Variants in LRRIQ1 observed in about 807,000 individuals in gnomAD.
The protein encoded by LRRIQ1 is leucine-rich repeat- and IQ domain-containing protein 1.
A neutral mutation model predicts 211.9 loss-of-function variants in LRRIQ1; 210 were observed. That is an observed-to-expected ratio of 0.99 (90% CI 0.89 to 1.11). The LOEUF (loss-of-function observed/expected upper bound fraction) is 1.11. LRRIQ1 is among the 50% of genes most tolerant of loss of function. LRRIQ1 has a pLI of 0.00. For missense variants in LRRIQ1, 2,136 were observed against 1,939.5 expected, an observed-to-expected ratio of 1.10 and a Z score of -1.90; for synonymous variants, 699 against 650.1, an observed-to-expected ratio of 1.08 and a Z score of -1.14.
chr12:85,077,481 TGGCTATTGTTTGTTTTATTTTGAATAG>T (rs1883787405), intron 11 of LRRIQ1, among the ~76,000 whole-genome samples: 1 of 152,238 alleles, frequency 6.6e-6, no homozygotes, highest in African/African-American at 2.4e-5. Flanking sequence ...AATATTTTTG[TGGCTATTGTTTGTTTTATTTTGAATAG>T]GGCAGGGGAA....
intron 24 of LRRIQ1, among the ~76,000 whole-genome samples, chr12:85,201,576 G>C (rs1893296619): frequency 6.6e-6 from 1 of 152,134 alleles, no homozygotes; most frequent in East Asian, 1.9e-4. Flanking sequence ...TGTGTGAACA[G>C]AGGTGTTCAT....
At chr12:85,107,575 T>A (rs780451332) in intron 15 of LRRIQ1, among the ~76,000 whole-genome samples, 21 of 152,148 alleles carry the variant, frequency 1.4e-4, no homozygotes, top group Non-Finnish European at 2.4e-4. Flanking sequence ...TTCATAAAAT[T>A]TGGAAAATTT....
chr12:85,085,924 G>A lies in LRRIQ1; in HGVS notation c.2888-12431G>A, dbSNP rs185935639. Among the ~76,000 whole-genome samples, 389 of 152,252 alleles carry A rather than the reference G, an allele frequency of 2.6e-3. 2 individuals carry two copies. Among genetic ancestry groups the A allele is most frequent in the Non-Finnish European group, 4.7e-3 (321 of 68,024 alleles). The stretch of plus-strand genomic sequence containing the variant: ...TACAAGTGCAGATATCTTTTTGGTG[G>A]AATGATTTACTTTCCTTTAACTATA... On this transcript the variant is annotated intron_variant, in intron 11 of 26. Coordinates refer to ENST00000393217, the MANE Select transcript of LRRIQ1 (RefSeq NM_001079910.2).
chr12:85,177,182 C>T (rs1363789332), intron 24 of LRRIQ1, among the ~76,000 whole-genome samples: 1 of 152,044 alleles, frequency 6.6e-6, no homozygotes, highest in Non-Finnish European at 1.5e-5. Context: ...AGATTTAATT[C>T]CTTATCTTCC....
intron 8 of LRRIQ1, among the ~76,000 whole-genome samples, chr12:85,064,413 G>A (rs1246223678): frequency 1.3e-5 from 2 of 151,642 alleles, no homozygotes; most frequent in Non-Finnish European, 1.5e-5. Context: ...TATATATTCC[G>A]GTTACTAATC....
intron 11 of LRRIQ1, among the ~76,000 whole-genome samples, chr12:85,097,568 TC>T (rs1360711028): frequency 6.6e-6 from 1 of 152,158 alleles, no homozygotes; most frequent in Non-Finnish European, 1.5e-5. Flanking sequence ...TTCATCCATG[TC>T]CCTACAAAGG....
intron 15 of LRRIQ1, among the ~76,000 whole-genome samples, chr12:85,115,719 T>C (rs1453177519): frequency 6.6e-6 from 1 of 152,202 alleles, no homozygotes; most frequent in African/African-American, 2.4e-5. Flanking sequence ...AGTTTCCATC[T>C]GAACAACTTT....
chr12:85,064,622 A>C, intron 8 of LRRIQ1, among the ~76,000 whole-genome samples: 1 of 151,648 alleles, frequency 6.6e-6, no homozygotes, highest in East Asian at 1.9e-4. Flanking sequence ...GAGTTTCCCC[A>C]ATTAAAAAAA....
At chr12:85,086,305 C>T (rs1884809932) in intron 11 of LRRIQ1, among the ~76,000 whole-genome samples, 1 of 152,002 alleles carries the variant, frequency 6.6e-6, no homozygotes, top group Non-Finnish European at 1.5e-5. Context: ...GGAGGTGGGG[C>T]CTGATGGGAG....
chr12:85,217,745 G>C (rs1460986796), intron 24 of LRRIQ1, among the ~76,000 whole-genome samples: 1 of 104,916 alleles, frequency 9.5e-6, no homozygotes, highest in Admixed American at 8.2e-5. Flanking sequence ...TATATGTAAT[G>C]TGTGTGTATA....
chr12:85,239,790 C>T (rs1333685460), intron 26 of LRRIQ1, among the ~76,000 whole-genome samples: 2 of 151,858 alleles, frequency 1.3e-5, no homozygotes, highest in Non-Finnish European at 2.9e-5. Flanking sequence ...CCAGCCTGGT[C>T]AACATGATGA....
chr12:85,224,668 A>T (rs977439656), intron 24 of LRRIQ1, among the ~76,000 whole-genome samples: 2 of 142,320 alleles, frequency 1.4e-5, no homozygotes, highest in African/African-American at 5.2e-5. Context: ...CTCACTCATA[A>T]TTGGGAGTTG....
rs7959676 is a variant in LRRIQ1, at chr12:85,116,543, G to T, written c.3378-5154G>T. On this transcript the variant is annotated intron_variant, in intron 15 of 26. Coordinates refer to ENST00000393217, the MANE Select transcript of LRRIQ1 (RefSeq NM_001079910.2). ...TTATTTCATACAATCAAAGACAGCAGTTTTCTTTTTTTCTGTTACTTTTAT... is the reference window on the plus strand; with the variant it reads ...TTATTTCATACAATCAAAGACAGCATTTTTCTTTTTTTCTGTTACTTTTAT... 8.0e-4 allele frequency among the ~76,000 whole-genome samples: 122 copies of T among 152,236 alleles called. 1 individual carries two copies. Among genetic ancestry groups the T allele is most frequent in the African/African-American group, 2.8e-3 (117 of 41,550 alleles).
Position 85,066,743 on chromosome 12 carries a change from T to C in LRRIQ1, c.2545-5T>C. On this transcript the variant is annotated splice_region_variant and splice_polypyrimidine_tract_variant and intron_variant, in intron 9 of 26. Transcript: ENST00000393217. ...AAAACTAATTACATTTGTTCTTTGC[T>C]TCAGGAAAACCATATTGAGGCTATT... 1 of 1,580,558 alleles carries C rather than the reference T, an allele frequency of 6.3e-7. No individual in the cohort carries two copies. Among genetic ancestry groups the C allele is most frequent in the Non-Finnish European group, 8.6e-7 (1 of 1,167,364 alleles).
At chr12:85,151,017 T>C (rs1890206835) in intron 19 of LRRIQ1, among the ~76,000 whole-genome samples, 1 of 151,516 alleles carries the variant, frequency 6.6e-6, no homozygotes, top group Non-Finnish European at 1.5e-5. Flanking sequence ...ATATACTATA[T>C]TGTTATTAAC....
intron 11 of LRRIQ1, among the ~76,000 whole-genome samples, chr12:85,078,821 G>A (rs1883955347): frequency 1.3e-5 from 2 of 152,018 alleles, no homozygotes; most frequent in Non-Finnish European, 2.9e-5. Flanking sequence ...TAGCAATATT[G>A]CCAAGTAGTC....
intron 19 of LRRIQ1, among the ~76,000 whole-genome samples, chr12:85,145,518 CAAGT>C (rs147270743): frequency 0.016 from 2,481 of 151,698 alleles, 65 homozygotes; most frequent in African/African-American, 0.057. Context: ...TGAACTCTAA[CAAGT>C]TAGGATGCTG....
At chr12:85,248,916 T>G (rs2137292113), downstream of LRRIQ1, among the ~76,000 whole-genome samples, 1 of 151,776 alleles carries the variant, frequency 6.6e-6, no homozygotes, top group Non-Finnish European at 1.5e-5. Context: ...TAATATAAGG[T>G]TGGATGAAAG....
chr12:85,255,809 A>G (rs1466832260), intron 1 of LRRIQ1, among the ~76,000 whole-genome samples: 2 of 151,616 alleles, frequency 1.3e-5, no homozygotes, highest in Non-Finnish European at 3.0e-5. Flanking sequence ...GAACCCGGAC[A>G]ATTAATTACA....
Sources: allele counts gnomAD v4.1 joint callset (sites outside exome capture counted in the v4.1 genomes callset), GRCh38; gene constraint gnomAD v4.1.1; transcripts MANE v1.5; gene names NCBI Gene and HGNC (gene_info 2026-07-23, HGNC 2026-07-21).